The following SYT14 variants were observed in gnomAD, a reference collection of about 807,000 sequenced individuals.
The protein encoded by SYT14 is synaptotagmin 14.
In SYT14, 32 loss-of-function variants were observed where a neutral mutation model predicts 74.2. The observed-to-expected ratio is 0.43, with a 90% CI of 0.33 to 0.58. SYT14 has a LOEUF of 0.58. Among genes scored for constraint, SYT14 ranks in the 20% least tolerant of loss-of-function variants. The pLI is 0.05. For missense variants in SYT14, 791 were observed against 981.8 expected (o/e 0.81, Z 2.60); for synonymous variants, 298 against 337.7 (o/e 0.88, Z 1.29).
At chr1:210,069,612 T>TA (rs1175203859) in intron 5 of SYT14, among the ~76,000 whole-genome samples, 2 of 151,810 alleles carry the variant, frequency 1.3e-5, no homozygotes, top group Admixed American at 6.6e-5. Context: ...ACACAGCTTT[T>TA]AAAAATTGGT....
At chr1:210,055,238 A>C (rs1019456646) in intron 5 of SYT14, among the ~76,000 whole-genome samples, 1 of 152,212 alleles carries the variant, frequency 6.6e-6, no homozygotes, top group African/African-American at 2.4e-5. Context: ...TCTTAAATGT[A>C]AATTGTCTAA....
At chr1:209,966,906 G>A (rs576338438) in intron 2 of SYT14, among the ~76,000 whole-genome samples, 1 of 152,234 alleles carries the variant, frequency 6.6e-6, no homozygotes, top group Non-Finnish European at 1.5e-5. Context: ...GTGGTCTCAA[G>A]GGAAAGCATT....
At chr1:210,070,810 A>G (rs2081378797) in intron 5 of SYT14, among the ~76,000 whole-genome samples, 1 of 152,034 alleles carries the variant, frequency 6.6e-6, no homozygotes, top group Non-Finnish European at 1.5e-5. Context: ...CTCTTAACAG[A>G]ACATGGGATT....
intron 5 of SYT14, among the ~76,000 whole-genome samples, chr1:210,047,393 T>A (rs933692567): frequency 6.6e-6 from 1 of 152,142 alleles, no homozygotes; most frequent in Non-Finnish European, 1.5e-5. Context: ...TTTGAAGAAT[T>A]TACTTGATTT....
intron 1 of SYT14, among the ~76,000 whole-genome samples, chr1:209,940,955 A>G (rs944052597): frequency 6.6e-6 from 1 of 152,154 alleles, no homozygotes; most frequent in East Asian, 1.9e-4. Context: ...TTGGAGCTTC[A>G]TGTTGGCACA....
exon 10 of SYT14, chr1:210,166,809 G>GTAGT (rs966414528): frequency 6.6e-6 from 1 of 152,128 alleles, no homozygotes; most frequent in African/African-American, 2.4e-5. Flanking sequence ...GTATTACATA[G>GTAGT]TAGTATTCAT....
chr1:210,033,491 G>A (rs2080586717), intron 5 of SYT14, among the ~76,000 whole-genome samples: 1 of 151,716 alleles, frequency 6.6e-6, no homozygotes, highest in Non-Finnish European at 1.5e-5. Flanking sequence ...AATCTTTGAT[G>A]TGTGAGTCAA....
At position 210,154,247 on chromosome 1, in the gene SYT14, C is replaced by A. The variant is rs540733005; in HGVS notation, c.2035-1474C>A. Reference sequence around the variant, plus strand: ...CTAGAAAGATGTCTATTTCAGAGGTCTCCAACCCCCCGGCCACAGACCAGT... The same window carrying A: ...CTAGAAAGATGTCTATTTCAGAGGTATCCAACCCCCCGGCCACAGACCAGT... On this transcript the variant is annotated intron_variant, in intron 7 of 9. Transcript: ENST00000637265. Among the ~76,000 whole-genome samples the A allele has an allele frequency of 3.3e-5, 5 of 152,200 alleles. No homozygotes were observed. The South Asian group carries it at 8.3e-4, about 25-fold the overall frequency.
At chr1:210,127,840 A>G (rs1025008887) in intron 7 of SYT14, among the ~76,000 whole-genome samples, 11 of 152,144 alleles carry the variant, frequency 7.2e-5, no homozygotes, top group Admixed American at 2.0e-4. Flanking sequence ...AGCCTGGCCA[A>G]CATGGTGAAA....
intron 5 of SYT14, among the ~76,000 whole-genome samples, chr1:210,063,880 A>C (rs954048852): frequency 1.3e-5 from 2 of 151,616 alleles, no homozygotes; most frequent in African/African-American, 4.8e-5. Flanking sequence ...TTTTTTTAGT[A>C]TTTTTTTAAA....
At chr1:210,064,985 TC>T (rs1305579299) in intron 5 of SYT14, among the ~76,000 whole-genome samples, 1 of 152,088 alleles carries the variant, frequency 6.6e-6, no homozygotes, top group Non-Finnish European at 1.5e-5. Flanking sequence ...TAAACTAGTA[TC>T]TCATTATGGT....
intron 5 of SYT14, among the ~76,000 whole-genome samples, chr1:210,031,544 T>A (rs1045883245): frequency 1.3e-5 from 2 of 152,174 alleles, no homozygotes; most frequent in Admixed American, 1.3e-4. Flanking sequence ...CCAAAATTTC[T>A]GCTTTGGAAA....
chr1:210,071,721 A>G (rs1314100402), intron 5 of SYT14, among the ~76,000 whole-genome samples: 1 of 152,054 alleles, frequency 6.6e-6, no homozygotes, highest in African/African-American at 2.4e-5. Context: ...CTACACTAAG[A>G]AAGAAGAAAG....
chr1:210,132,818 T>C (rs2082705179), intron 7 of SYT14, among the ~76,000 whole-genome samples: 1 of 152,168 alleles, frequency 6.6e-6, no homozygotes, highest in African/African-American at 2.4e-5. Flanking sequence ...CTAGCCTCTC[T>C]TCTGGATTCT....
intron 2 of SYT14, among the ~76,000 whole-genome samples, chr1:209,963,618 T>C (rs774312812): frequency 3.3e-5 from 5 of 152,210 alleles, no homozygotes; most frequent in Non-Finnish European, 7.3e-5. Flanking sequence ...AGAAAAAATA[T>C]CTACAGAGGA....
chr1:210,032,381 G>A (rs1326290247), intron 5 of SYT14, among the ~76,000 whole-genome samples: 1 of 151,840 alleles, frequency 6.6e-6, no homozygotes, highest in African/African-American at 2.4e-5. Context: ...ATTGCCCTAA[G>A]CACTTCATCA....
rs182950490 is a variant in SYT14 at position 209,967,163 on chromosome 1, T to A, written c.-486+14407T>A. 2.9e-4 allele frequency among the ~76,000 whole-genome samples: 44 copies of A among 152,282 alleles called. 1 individual carries two copies. Among genetic ancestry groups the A allele is most frequent in the Admixed American group, 2.9e-3 (44 of 15,288 alleles). ...CCAACCTTACATTTATGAGATAAATTCCACTTGTTCATGATGGATTATCCT... is the reference window on the plus strand; with the variant it reads ...CCAACCTTACATTTATGAGATAAATACCACTTGTTCATGATGGATTATCCT... On this transcript the variant is annotated intron_variant, in intron 2 of 9. Coordinates refer to ENST00000637265, the Ensembl canonical transcript of SYT14.
At chr1:209,957,860 A>G (rs1253703531) in intron 2 of SYT14, among the ~76,000 whole-genome samples, 1 of 152,076 alleles carries the variant, frequency 6.6e-6, no homozygotes, top group East Asian at 1.9e-4. Flanking sequence ...TGTCTATGGT[A>G]TGTTCATGAA....
intron 1 of SYT14, among the ~76,000 whole-genome samples, chr1:209,942,516 C>G (rs901512551): frequency 6.6e-6 from 1 of 152,152 alleles, no homozygotes; most frequent in Non-Finnish European, 1.5e-5. Flanking sequence ...CAATTCAAAT[C>G]AATTTGTGCT....
Sources: gnomAD v4.1 joint callset for allele counts (sites outside exome capture counted in the v4.1 genomes callset) on GRCh38, gnomAD v4.1.1 for gene constraint, MANE v1.5 for transcripts, NCBI Gene and HGNC (gene_info 2026-07-23, HGNC 2026-07-21) for gene names.